Variants in FOXK1 observed in about 807,000 individuals in gnomAD.
FOXK1 encodes the protein forkhead box K1.
A neutral mutation model predicts 51.9 loss-of-function variants in FOXK1; 19 were observed. The observed-to-expected ratio is 0.37, with a 90% CI of 0.26 to 0.54. The LOEUF (loss-of-function observed/expected upper bound fraction) is 0.54. Ranked by LOEUF, FOXK1 falls within the 20% of genes least tolerant of loss-of-function variation. FOXK1 has a pLI of 0.87. For synonymous variants in FOXK1, 537 were observed against 482.6 expected (o/e 1.11, Z -1.48); for missense variants, 870 against 1,032.7 (o/e 0.84, Z 2.16).
chr7:4,755,264 G>A lies in FOXK1; in HGVS notation c.931G>A (p.Ala311Thr), dbSNP rs749913280. 1.9e-6 allele frequency: 3 copies of A among 1,613,884 alleles called. No homozygotes were observed. The highest frequency in any genetic ancestry group is 1.7e-5 in the Admixed American group (1 of 59,998). The change falls in exon 4 of 9, where the codon GCG (alanine) becomes ACG (threonine). Residue 311 changes from alanine to threonine, a missense_variant. By Grantham distance (58) the Ala-to-Thr change is moderately conservative. Around this residue, in one of 3 missense-constraint regions of FOXK1, gnomAD observed 399 missense variants for 475.6 expected, o/e 0.84. Transcript: ENST00000328914. This position sits in a 1 kb window ranked among gnomAD's most constrained non-coding sequence, Gnocchi z 6.6. ...TGAGTCAAAGCCGCCGTTCTCCTAC[G>A]CGCAGCTGATCGTGCAGGCCATCTC... Reference protein sequence around the residue: ...KDESKPPFSYAQLIVQAISSA... With the variant: ...KDESKPPFSYTQLIVQAISSA...
rs6963151 is a variant in FOXK1, at chr7:4,703,743, C to T, written c.560+20875C>T. On this transcript the variant is annotated intron_variant, in intron 1 of 8. Coordinates refer to ENST00000328914, the MANE Select transcript of FOXK1 (RefSeq NM_001037165.2). The surrounding 1 kb of genome is among the most constrained non-coding windows in gnomAD (Gnocchi z 5.6). ...GCGACCAGGAGGCCCTTCAGTGCTC[C>T]GGAGGCACTTTCAGAGCATCGTGAC... 1.3e-5 allele frequency among the ~76,000 whole-genome samples: 2 copies of T among 152,178 alleles called. No individual in the cohort carries two copies. The highest frequency in any genetic ancestry group is 3.9e-4 in the East Asian group (2 of 5,184).
At position 4,734,624 on chromosome 7, in the gene FOXK1, C is replaced by T. The variant is rs557341816; in HGVS notation, c.561-6214C>T. ...GCACGGGGCTCCCTCCCTGGGGCTTCATGGGGGGCTCAGGAAGGCTGGGTC... is the reference window on the plus strand; with the variant it reads ...GCACGGGGCTCCCTCCCTGGGGCTTTATGGGGGGCTCAGGAAGGCTGGGTC... On this transcript the variant is annotated intron_variant, in intron 1 of 8. Coordinates refer to ENST00000328914, the MANE Select transcript of FOXK1 (RefSeq NM_001037165.2). This position sits in a 1 kb window ranked among gnomAD's most constrained non-coding sequence, Gnocchi z 5.2. 1.8e-4 allele frequency among the ~76,000 whole-genome samples: 28 copies of T among 152,338 alleles called. No homozygotes were observed. The highest frequency in any genetic ancestry group is 6.7e-4 in the African/African-American group (28 of 41,592).
At chr7:4,719,499 T>G (rs1780281730) in intron 1 of FOXK1, among the ~76,000 whole-genome samples, 1 of 151,624 alleles carries the variant, frequency 6.6e-6, no homozygotes, top group African/African-American at 2.4e-5. Context: ...CACATATTTT[T>G]TTGACAGAAT....
Position 4,682,991 on chromosome 7 carries a change from C to A in FOXK1, c.560+123C>A. 1.0e-6 allele frequency: 1 copy of A among 983,230 alleles called. No individual in the cohort carries two copies. The allele number at this position is 983,230 out of a possible 1,614,324, so 60.9% of individuals were successfully genotyped here. On this transcript the variant is annotated intron_variant, in intron 1 of 8. Coordinates refer to ENST00000328914, the MANE Select transcript of FOXK1 (RefSeq NM_001037165.2). The surrounding 1 kb of genome is among the most constrained non-coding windows in gnomAD (Gnocchi z 7.6). The stretch of plus-strand genomic sequence containing the variant: ...GCCTCGACCCCCACCCCCCGGCCCA[C>A]CCCCGGTAACCCCCGACCGGCCTGG...
rs978268667 is a variant in FOXK1 at position 4,721,456 on chromosome 7, G to A, written c.561-19382G>A. Reference sequence around the variant, plus strand: ...ATGCCTTGAATTCTAATCTCCAGGCGTCGGCTGTCAGTTAACTTCAGAAAG... The same window carrying A: ...ATGCCTTGAATTCTAATCTCCAGGCATCGGCTGTCAGTTAACTTCAGAAAG... On this transcript the variant is annotated intron_variant, in intron 1 of 8. Coordinates refer to ENST00000328914, the MANE Select transcript of FOXK1 (RefSeq NM_001037165.2). 5.3e-5 allele frequency among the ~76,000 whole-genome samples: 8 copies of A among 152,206 alleles called. 1 individual carries two copies. In the South Asian group the frequency reaches 8.3e-4, roughly 16 times the overall value.
At position 4,731,758 on chromosome 7, in the gene FOXK1, C is replaced by CAAAAA. The variant is rs374959543; in HGVS notation, c.561-9065_561-9061dup. Among the ~76,000 whole-genome samples the CAAAAA allele has an allele frequency of 1.5e-5, 1 of 68,668 alleles. No individual in the cohort carries two copies. The highest frequency in any genetic ancestry group is 3.4e-5 in the Non-Finnish European group (1 of 29,828). The allele number at this position is 68,668 out of a possible 152,430, so 45.0% of individuals were successfully genotyped here. On this transcript the variant is annotated intron_variant, in intron 1 of 8. Coordinates refer to ENST00000328914, the MANE Select transcript of FOXK1 (RefSeq NM_001037165.2). The surrounding 1 kb of genome is among the most constrained non-coding windows in gnomAD (Gnocchi z 5.3). ...TGGGCAACAAAGCGAAACTCTGCCT[C>CAAAAA]AAAAAAAAAAAAAAAAAAAGAAAAC...
chr7:4,767,314 CA>C lies in FOXK1; in HGVS notation c.*4853del, dbSNP rs1259913722. ...CGAAACATGATCGTCAGGCTCTTTG[CA>C]AACGCAGAGCCCCAGAACGCTGGAT... On this transcript the variant is annotated 3_prime_UTR_variant, in exon 9 of 9. Coordinates refer to ENST00000328914, the MANE Select transcript of FOXK1 (RefSeq NM_001037165.2). This position sits in a 1 kb window ranked among gnomAD's most constrained non-coding sequence, Gnocchi z 6.6. 1.3e-5 allele frequency: 2 copies of C among 152,282 alleles called. No homozygotes were observed. Among genetic ancestry groups the C allele is most frequent in the Non-Finnish European group, 2.9e-5 (2 of 68,064 alleles). 9.4% of individuals were successfully genotyped at this position (152,282 alleles called of 1,614,324 possible).
At chr7:4,725,350 G>A (rs1274940701) in intron 1 of FOXK1, among the ~76,000 whole-genome samples, 1 of 152,228 alleles carries the variant, frequency 6.6e-6, no homozygotes, top group African/African-American at 2.4e-5. Context: ...CGGGGGCGCT[G>A]CTTTTGTTCA....
At chr7:4,759,865 T>C (rs1780908695) in intron 7 of FOXK1, 19 of 544,156 alleles carry the variant, frequency 3.5e-5, no homozygotes, top group Non-Finnish European at 6.2e-5. Flanking sequence ...ACCCCGTCTC[T>C]ACTGAAAATA....
rs1025919517 is a variant in FOXK1, at chr7:4,756,178, G to A, written c.1050+795G>A. ...CATCCCGGCTGGAGTGTGGTGGCGC[G>A]ATCTCAGCTCACTGCAACCTTCGCC... On this transcript the variant is annotated intron_variant, in intron 4 of 8. Coordinates refer to ENST00000328914, the MANE Select transcript of FOXK1 (RefSeq NM_001037165.2). This position sits in a 1 kb window ranked among gnomAD's most constrained non-coding sequence, Gnocchi z 4.1. Among the ~76,000 whole-genome samples, 16 of 152,204 alleles carry A rather than the reference G, an allele frequency of 1.1e-4. No individual in the cohort carries two copies. Among genetic ancestry groups the A allele is most frequent in the African/African-American group, 3.6e-4 (15 of 41,542 alleles).
At chr7:4,689,689 G>C (rs995458410) in intron 1 of FOXK1, among the ~76,000 whole-genome samples, 1 of 152,314 alleles carries the variant, frequency 6.6e-6, no homozygotes, top group East Asian at 1.9e-4. Context: ...GTTATACGTT[G>C]TATAACCATC....
In FOXK1 at chr7:4,749,295, TCTC is replaced by T. The variant is rs1445587345; in HGVS notation, c.747-5163_747-5161del. ...CCCGTAGGCTTCCCTGGGTCCCTCT[TCTC>T]TTCTGTTTTGCACCATGTTCCACCT... On this transcript the variant is annotated intron_variant, in intron 2 of 8. Transcript: ENST00000328914. The surrounding 1 kb of genome is among the most constrained non-coding windows in gnomAD (Gnocchi z 6.0). Among the ~76,000 whole-genome samples, 1 of 152,148 alleles carries T rather than the reference TCTC, an allele frequency of 6.6e-6. No individual in the cohort carries two copies. The highest frequency in any genetic ancestry group is 2.4e-5 in the African/African-American group (1 of 41,432).
At chr7:4,732,207 A>T (rs931618203) in intron 1 of FOXK1, among the ~76,000 whole-genome samples, 10 of 152,218 alleles carry the variant, frequency 6.6e-5, no homozygotes, top group South Asian at 2.1e-4. Context: ...CGTTGCTTGG[A>T]ATCATTTGTT....
At chr7:4,691,115 G>T (rs1442624506) in intron 1 of FOXK1, among the ~76,000 whole-genome samples, 1 of 152,142 alleles carries the variant, frequency 6.6e-6, no homozygotes, top group Non-Finnish European at 1.5e-5. Context: ...TAACCAAGAA[G>T]GCGTGTGGCG....
chr7:4,737,934 C>A (rs1370778578), intron 1 of FOXK1, among the ~76,000 whole-genome samples: 3 of 152,034 alleles, frequency 2.0e-5, no homozygotes, highest in Admixed American at 6.6e-5. Flanking sequence ...ACCAGCCTGA[C>A]CAACATGGAA....
intron 1 of FOXK1, among the ~76,000 whole-genome samples, chr7:4,717,125 A>G (rs1274277448): frequency 7.3e-6 from 1 of 137,258 alleles, no homozygotes; most frequent in Non-Finnish European, 1.5e-5. Context: ...CTGGGAAGGC[A>G]TATGGCTGGA....
rs77422225 is a variant in FOXK1, at chr7:4,703,471, C to A, written c.560+20603C>A. Among the ~76,000 whole-genome samples the A allele has an allele frequency of 0.013, 2,035 of 152,276 alleles. 58 individuals carry two copies. The highest frequency in any genetic ancestry group is 0.047 in the African/African-American group (1,960 of 41,550). On this transcript the variant is annotated intron_variant, in intron 1 of 8. Coordinates refer to ENST00000328914, the MANE Select transcript of FOXK1 (RefSeq NM_001037165.2). This position sits in a 1 kb window ranked among gnomAD's most constrained non-coding sequence, Gnocchi z 5.6. ...CCAGCACAGGGCAGGGTCCTGGTGT[C>A]CTCGCCCCACAAGGCTCCCCCAGGG... is the stretch of plus-strand genomic sequence containing the variant.
At chr7:4,714,851 A>G (rs1258058227) in intron 1 of FOXK1, among the ~76,000 whole-genome samples, 1 of 152,078 alleles carries the variant, frequency 6.6e-6, no homozygotes, top group Non-Finnish European at 1.5e-5. Context: ...TAAAACCCAG[A>G]TGTTTTGTCC....
intron 2 of FOXK1, among the ~76,000 whole-genome samples, chr7:4,751,554 C>T (rs1780777985): frequency 6.6e-6 from 1 of 152,132 alleles, no homozygotes; most frequent in South Asian, 2.1e-4. Flanking sequence ...GCCTCTGCTT[C>T]CCGCCTCCGT....
Sources: allele counts gnomAD v4.1 joint callset (sites outside exome capture counted in the v4.1 genomes callset), GRCh38; gene constraint gnomAD v4.1.1; regional missense constraint gnomAD v4.1.1; non-coding constraint Gnocchi (gnomAD v3.1); transcripts MANE v1.5; gene names NCBI Gene and HGNC (gene_info 2026-07-23, HGNC 2026-07-21).